Variants in KLHL4 observed in about 807,000 individuals in gnomAD.
The protein encoded by KLHL4 is kelch-like protein 4.
KLHL4 carries 17 observed loss-of-function variants against 45.8 expected under a neutral mutation model. The observed-to-expected ratio is 0.37, with a 90% CI of 0.25 to 0.56. The LOEUF (loss-of-function observed/expected upper bound fraction) is 0.56. Among genes scored for constraint, KLHL4 ranks in the 20% least tolerant of loss-of-function variants. The probability of loss-of-function intolerance (pLI) is 0.79; values close to 1 mark genes in which losing one functional copy is unlikely to be tolerated. For missense variants in KLHL4, 544 were observed against 544.9 expected (o/e 1.00, Z 0.02); for synonymous variants, 224 against 189.9 (o/e 1.18, Z -1.47).
At chrX:87,600,486 A>C (rs1436501920) in intron 1 of KLHL4, among the ~76,000 whole-genome samples, 2 of 33,800 alleles carry the variant, frequency 5.9e-5, no homozygotes, top group African/African-American at 1.9e-4. Flanking sequence ...TCGTCTCACA[A>C]AAAAAAAAAA....
At chrX:87,605,923 GT>G (rs755443540) in intron 1 of KLHL4, among the ~76,000 whole-genome samples, 31 of 110,119 alleles carry the variant, frequency 2.8e-4, no homozygotes, top group African/African-American at 5.6e-4. Context: ...TTTGTTGAGA[GT>G]TTTTTTTTAA....
chrX:87,556,444 T>G (rs370885503), intron 1 of KLHL4, among the ~76,000 whole-genome samples: 14 of 106,872 alleles, frequency 1.3e-4, no homozygotes, highest in African/African-American at 4.8e-4. Context: ...ACACTGCGCA[T>G]ATTCTCACTC....
intron 1 of KLHL4, among the ~76,000 whole-genome samples, chrX:87,563,336 G>A (rs1454067519): frequency 1.8e-5 from 2 of 110,119 alleles, no homozygotes; most frequent in Non-Finnish European, 3.8e-5. Context: ...AAAGAGATGT[G>A]TGACCTTTCG....
rs1420305919 is a variant in KLHL4, at chrX:87,531,565, T to C, written c.422+13250T>C. Among the ~76,000 whole-genome samples, 26 of 107,566 alleles carry C rather than the reference T, an allele frequency of 2.4e-4. No individual in the cohort carries two copies. In the Admixed American group the frequency reaches 2.6e-3, roughly 11 times the overall value. The allele number at this position is 107,566 out of a possible 115,157, so 93.4% of individuals were successfully genotyped here. A position where few individuals can be genotyped will look rare whatever the true frequency, so the allele number is the denominator to read the frequency against. ...TTGTCCCTGTTTGCAGATGACATGA[T>C]TGTATATCTAGAAAACCCCATTTTC... On this transcript the variant is annotated intron_variant, in intron 1 of 10. Transcript: ENST00000373119.
At chrX:87,539,837 T>C (rs993514326) in intron 1 of KLHL4, among the ~76,000 whole-genome samples, 8 of 111,456 alleles carry the variant, frequency 7.2e-5, no homozygotes, top group African/African-American at 9.8e-5. Flanking sequence ...CATTTTCTTA[T>C]TATAGTCAAG....
At chrX:87,620,184 T>G (rs1333292163) in intron 4 of KLHL4, among the ~76,000 whole-genome samples, 1 of 112,177 alleles carries the variant, frequency 8.9e-6, no homozygotes. Flanking sequence ...TGGTAAATTT[T>G]GCAACAATAT....
chrX:87,601,786 T>G (rs1282569315), intron 1 of KLHL4, among the ~76,000 whole-genome samples: 2 of 111,571 alleles, frequency 1.8e-5, no homozygotes, highest in Non-Finnish European at 3.8e-5. Flanking sequence ...ATATATGCTT[T>G]CATAGCAGTT....
At chrX:87,619,687 T>G (rs2147816862) in intron 4 of KLHL4, among the ~76,000 whole-genome samples, 1 of 112,095 alleles carries the variant, frequency 8.9e-6, no homozygotes, top group African/African-American at 3.2e-5. Flanking sequence ...AAAGTTTGAA[T>G]TATTTTTGTT....
At chrX:87,574,224 C>G (rs1032868835) in intron 1 of KLHL4, among the ~76,000 whole-genome samples, 1 of 111,319 alleles carries the variant, frequency 9.0e-6, no homozygotes, top group Non-Finnish European at 1.9e-5. Flanking sequence ...ATAATCTTAA[C>G]TATTGTGATT....
chrX:87,614,193 G>T, intron 2 of KLHL4, 149 bp downstream of exon 2: 1 of 550,528 alleles, frequency 1.8e-6, no homozygotes, highest in Non-Finnish European at 2.8e-6. Context: ...GTTTCTCTGT[G>T]TATTATTTAG....
chrX:87,667,363 AT>A lies in KLHL4; in HGVS notation c.*832del. 1 of 704,899 alleles carries A rather than the reference AT, an allele frequency of 1.4e-6. No individual in the cohort carries two copies. Among genetic ancestry groups the A allele is most frequent in the Non-Finnish European group, 1.7e-6 (1 of 594,379 alleles). The allele number at this position is 704,899 out of a possible 1,213,427, so 58.1% of individuals were successfully genotyped here. A position where few individuals can be genotyped will look rare whatever the true frequency, so the allele number is the denominator to read the frequency against. ...ATAGAATGTAATGTTCTCCTCAAAC[AT>A]TTATGTTAACTCTATAAACAAATAT... On this transcript the variant is annotated 3_prime_UTR_variant, in exon 11 of 11. Transcript: ENST00000373119.
chrX:87,563,021 G>A (rs1180845047), intron 1 of KLHL4, among the ~76,000 whole-genome samples: 1 of 111,104 alleles, frequency 9.0e-6, no homozygotes, highest in Non-Finnish European at 1.9e-5. Flanking sequence ...CCACCAAGTT[G>A]GTACCTCTGT....
chrX:87,569,907 G>A (rs771453815), intron 1 of KLHL4, among the ~76,000 whole-genome samples: 24 of 111,146 alleles, frequency 2.2e-4, no homozygotes, highest in African/African-American at 7.1e-4. Context: ...GTTGATGATG[G>A]TTGCACAACA....
chrX:87,522,562 T>G (rs5924049), intron 1 of KLHL4, among the ~76,000 whole-genome samples: 92 of 111,888 alleles, frequency 8.2e-4, no homozygotes, highest in Non-Finnish European at 1.4e-3. Context: ...AGTTCAGAAC[T>G]AGGCCTGCTT....
At chrX:87,536,667 G>A (rs1159590736) in intron 1 of KLHL4, among the ~76,000 whole-genome samples, 7 of 109,328 alleles carry the variant, frequency 6.4e-5, no homozygotes, top group Admixed American at 5.0e-4. Context: ...AATAATTTTC[G>A]TTTGCCATTC....
At chrX:87,651,255 CAAGAT>C (rs1923805330) in intron 9 of KLHL4, among the ~76,000 whole-genome samples, 1 of 111,486 alleles carries the variant, frequency 9.0e-6, no homozygotes, top group Non-Finnish European at 1.9e-5. Context: ...AGCTACAATT[CAAGAT>C]GAGATTTGAG....
chrX:87,546,935 T>C (rs1276631221), intron 1 of KLHL4, among the ~76,000 whole-genome samples: 1 of 112,747 alleles, frequency 8.9e-6, no homozygotes, highest in Non-Finnish European at 1.9e-5. Context: ...ATTTATTCAA[T>C]GCCTATACCT....
intron 1 of KLHL4, among the ~76,000 whole-genome samples, chrX:87,528,755 A>C (rs1182794440): frequency 9.5e-6 from 1 of 105,168 alleles, no homozygotes; most frequent in African/African-American, 3.5e-5. Context: ...AGGGAGAAGT[A>C]ATGGAGAAAG....
chrX:87,573,405 A>G (rs1920999808), intron 1 of KLHL4, among the ~76,000 whole-genome samples: 1 of 99,627 alleles, frequency 1.0e-5, no homozygotes, highest in African/African-American at 3.6e-5. Context: ...GAGGTTATAT[A>G]CTGAAGTGAG....
Sources: gnomAD v4.1 joint callset for allele counts (sites outside exome capture counted in the v4.1 genomes callset) on GRCh38, gnomAD v4.1.1 for gene constraint, MANE v1.5 for transcripts, NCBI Gene and HGNC (gene_info 2026-07-23, HGNC 2026-07-21) for gene names.